PCDHA4: variants seen among roughly 807,000 people sequenced by gnomAD.
PCDHA4 encodes protocadherin alpha-4.
PCDHA4 carries 49 observed loss-of-function variants against 61.4 expected under a neutral mutation model. The observed-to-expected ratio is 0.80, with a 90% CI of 0.63 to 1.01. The LOEUF (loss-of-function observed/expected upper bound fraction) is 1.01. Among genes scored for constraint, PCDHA4 ranks in the 50% least tolerant of loss-of-function variants. The pLI is 0.00. For missense variants in PCDHA4, 1,254 were observed against 1,235.8 expected (o/e 1.01, Z -0.22); for synonymous variants, 590 against 550.3 (o/e 1.07, Z -1.01).
rs1368587662 is a variant in PCDHA4 at position 140,863,465 on chromosome 5, T to C, written c.2385+53893T>C. 19 of 507,706 alleles carry C rather than the reference T, an allele frequency of 3.7e-5. No individual in the cohort carries two copies. The Admixed American group carries it at 3.9e-4, about 10-fold the overall frequency. 31.5% of individuals were successfully genotyped at this position (507,706 alleles called of 1,614,324 possible). Reference sequence around the variant, plus strand: ...ACTCGCAGCAAAGGAGATTTTACTCTGGAGAGTCGCCTCCCAAGGTCAACA... The same window carrying C: ...ACTCGCAGCAAAGGAGATTTTACTCCGGAGAGTCGCCTCCCAAGGTCAACA... On this transcript the variant is annotated intron_variant, in intron 1 of 3. Coordinates refer to ENST00000530339, the MANE Select transcript of PCDHA4 (RefSeq NM_018907.4).
intron 1 of PCDHA4, chr5:140,841,287 A>C: frequency 1.3e-6 from 2 of 1,554,152 alleles, no homozygotes; most frequent in Non-Finnish European, 1.7e-6. Flanking sequence ...CTTTATATTA[A>C]GATAATATTT....
chr5:140,835,672 G>C, intron 1 of PCDHA4: 1 of 1,613,926 alleles, frequency 6.2e-7, no homozygotes, highest in Non-Finnish European at 8.5e-7. Flanking sequence ...GCGCGGGACG[G>C]GGGCTCGCCT....
At chr5:140,857,330 G>A in intron 1 of PCDHA4, 1 of 1,598,660 alleles carries the variant, frequency 6.3e-7, no homozygotes, top group South Asian at 1.1e-5. Context: ...GACCGCGCGG[G>A]ACGGGGGCTC....
At chr5:140,968,397 A>G in intron 1 of PCDHA4, 7 of 1,613,892 alleles carry the variant, frequency 4.3e-6, no homozygotes, top group Non-Finnish European at 5.9e-6. Context: ...AAGTTTCGGG[A>G]GTTCTTTGTG....
chr5:140,979,383 T>C (rs2096847136), intron 2 of PCDHA4, among the ~76,000 whole-genome samples: 1 of 152,220 alleles, frequency 6.6e-6, no homozygotes, highest in Admixed American at 6.5e-5. Context: ...CATTGTGCAA[T>C]GTATACATAC....
chr5:140,940,437 C>T (rs1212783028), intron 1 of PCDHA4, among the ~76,000 whole-genome samples: 1 of 151,730 alleles, frequency 6.6e-6, no homozygotes, highest in Non-Finnish European at 1.5e-5. Context: ...TCAAGTCTGC[C>T]ATGATATTTT....
Position 140,858,184 on chromosome 5 carries a change from G to T in PCDHA4, c.2385+48612G>T, listed in dbSNP as rs782618700. The T allele has an allele frequency of 3.1e-6, 5 of 1,597,468 alleles. 1 individual carries two copies. In the South Asian group the frequency reaches 4.4e-5, roughly 14 times the overall value. Reference sequence around the variant, plus strand: ...CGGTGTCCAGCTTGCTGGTGCTCACGCTGCTGCTGTACACTGCACTGAGGT... The same window carrying T: ...CGGTGTCCAGCTTGCTGGTGCTCACTCTGCTGCTGTACACTGCACTGAGGT... On this transcript the variant is annotated intron_variant, in intron 1 of 3. Transcript: ENST00000530339.
chr5:140,881,909 G>T (rs941994896), intron 1 of PCDHA4: 6 of 230,500 alleles, frequency 2.6e-5, no homozygotes, highest in Non-Finnish European at 5.1e-5. Context: ...AATATAAAAT[G>T]TTGAGCAGAA....
At chr5:140,984,228 G>A (rs374551349) in intron 3 of PCDHA4, among the ~76,000 whole-genome samples, 180 of 152,262 alleles carry the variant, frequency 1.2e-3, no homozygotes, top group African/African-American at 4.0e-3. Context: ...TTGCTCTTAT[G>A]GAGGCATTGT....
intron 1 of PCDHA4, chr5:140,883,616 G>C: frequency 6.2e-7 from 1 of 1,614,014 alleles, no homozygotes; most frequent in Non-Finnish European, 8.5e-7. Flanking sequence ...CGACGTGAAC[G>C]ACAACGCGCC....
chr5:140,900,015 A>C (rs2067686381), intron 1 of PCDHA4, among the ~76,000 whole-genome samples: 1 of 151,940 alleles, frequency 6.6e-6, no homozygotes, highest in African/African-American at 2.4e-5. Context: ...TCACTTTGTT[A>C]CCCAGTTTGG....
chr5:140,916,051 G>A (rs2153537424), intron 1 of PCDHA4, among the ~76,000 whole-genome samples: 1 of 152,240 alleles, frequency 6.6e-6, no homozygotes, highest in African/African-American at 2.4e-5. Context: ...ACAGGCAGAG[G>A]TGCCTCTCCC....
At chr5:140,816,835 T>A (rs1221518699) in intron 1 of PCDHA4, 3 of 152,054 alleles carry the variant, frequency 2.0e-5, no homozygotes, top group African/African-American at 7.2e-5. Context: ...CTCTGTGGTG[T>A]CTGTGTGCTG....
In PCDHA4 at chr5:140,990,870, T is replaced by G. The variant is rs550033552; in HGVS notation, c.2533+8307T>G. Among the ~76,000 whole-genome samples, 16 of 152,274 alleles carry G rather than the reference T, an allele frequency of 1.1e-4. No individual in the cohort carries two copies. The South Asian group carries it at 3.3e-3, about 32-fold the overall frequency. On this transcript the variant is annotated intron_variant, in intron 3 of 3. Coordinates refer to ENST00000530339, the MANE Select transcript of PCDHA4 (RefSeq NM_018907.4). ...AGCCCTGAGGACATTGTATTTTAAG[T>G]GTATGTTCCAGTGAGTGGGTCGTTG...
intron 1 of PCDHA4, among the ~76,000 whole-genome samples, chr5:140,898,910 C>G (rs1313149642): frequency 6.6e-6 from 1 of 152,040 alleles, no homozygotes; most frequent in African/African-American, 2.4e-5. Context: ...CTTCACGTCC[C>G]TTGTAAGTTG....
chr5:140,891,920 C>G (rs1396526194), intron 1 of PCDHA4, among the ~76,000 whole-genome samples: 10 of 152,206 alleles, frequency 6.6e-5, no homozygotes, highest in Non-Finnish European at 8.8e-5. Flanking sequence ...GATGCTGGTG[C>G]CTTGATCTTG....
At chr5:140,970,271 G>A (rs1395602971) in intron 1 of PCDHA4, among the ~76,000 whole-genome samples, 1 of 152,200 alleles carries the variant, frequency 6.6e-6, no homozygotes, top group Non-Finnish European at 1.5e-5. Context: ...TTGATGAGAT[G>A]TAAAGTAGCC....
intron 1 of PCDHA4, chr5:140,930,401 T>G (rs1554207785): frequency 6.6e-6 from 1 of 152,210 alleles, no homozygotes; most frequent in African/African-American, 2.4e-5. Context: ...TTCTTTTTTT[T>G]TTTTGAGACA....
intron 1 of PCDHA4, chr5:140,868,773 G>A (rs1343929561): frequency 7.6e-6 from 2 of 262,984 alleles, no homozygotes; most frequent in African/African-American, 4.4e-5. Flanking sequence ...GTTTCAATAT[G>A]ACTTATAATC....
Sources: allele counts gnomAD v4.1 joint callset (sites outside exome capture counted in the v4.1 genomes callset), GRCh38; gene constraint gnomAD v4.1.1; transcripts MANE v1.5; gene names NCBI Gene and HGNC (gene_info 2026-07-23, HGNC 2026-07-21).